GALNT13: variants seen among roughly 807,000 people sequenced by gnomAD.
GALNT13 encodes the protein polypeptide N-acetylgalactosaminyltransferase 13, also known as UDP-GalNAc:polypeptide N-acetylgalactosaminyltransferase 13.
Under a neutral mutation model 64.2 loss-of-function variants are expected in GALNT13, and 28 were observed. The observed-to-expected ratio is 0.44, with a 90% CI of 0.32 to 0.60. GALNT13 has a LOEUF of 0.60. GALNT13 is among the 20% of genes least tolerant of loss of function. GALNT13 has a pLI of 0.05. For synonymous variants in GALNT13, 214 were observed against 224.6 expected, an observed-to-expected ratio of 0.95 and a Z score of 0.42; for missense variants, 577 against 669.8, an observed-to-expected ratio of 0.86 and a Z score of 1.53.
chr2:153,106,693 A>G, the GALNT13 span, among the ~76,000 whole-genome samples: 1 of 152,300 alleles, frequency 6.6e-6, no homozygotes, highest in Admixed American at 6.5e-5. Flanking sequence ...GTCTGAGCCT[A>G]TAGGATTAGG....
chr2:153,566,348 G>GTTTTGT, the GALNT13 span, among the ~76,000 whole-genome samples: 768 of 74,808 alleles, frequency 0.01, 70 homozygotes, highest in Admixed American at 0.061. Context: ...TTCTAATCAC[G>GTTTTGT]TTTTTTTTTT....
chr2:153,136,938 C>T, the GALNT13 span, among the ~76,000 whole-genome samples: 1 of 151,772 alleles, frequency 6.6e-6, no homozygotes, highest in Non-Finnish European at 1.5e-5. Flanking sequence ...CTCCATCTGC[C>T]TGTCCTGAGG....
the GALNT13 span, among the ~76,000 whole-genome samples, chr2:153,652,475 C>T: frequency 5.3e-5 from 8 of 151,948 alleles, no homozygotes; most frequent in African/African-American, 7.3e-5. Flanking sequence ...ATTAGCCGGG[C>T]GTGGTGTCAT....
chr2:153,426,082 TAGTG>T, the GALNT13 span, among the ~76,000 whole-genome samples: 240 of 152,022 alleles, frequency 1.6e-3, 2 homozygotes, highest in African/African-American at 5.1e-3. Context: ...TTAATATTGA[TAGTG>T]AGAGTGAAAA....
At chr2:153,722,717 A>C in the GALNT13 span, among the ~76,000 whole-genome samples, 19 of 152,374 alleles carry the variant, frequency 1.2e-4, no homozygotes, top group Admixed American at 5.2e-4. Flanking sequence ...AAACGGATAC[A>C]TTCCTTGACA....
At chr2:153,966,779 T>A (rs1353528788) in intron 3 of GALNT13, among the ~76,000 whole-genome samples, 1 of 152,164 alleles carries the variant, frequency 6.6e-6, no homozygotes, top group Non-Finnish European at 1.5e-5. Flanking sequence ...ACCTGGTTAT[T>A]CGTGTTTTTT....
At chr2:153,472,882 C>G in the GALNT13 span, among the ~76,000 whole-genome samples, 1 of 152,116 alleles carries the variant, frequency 6.6e-6, no homozygotes, top group Non-Finnish European at 1.5e-5. Context: ...AAAATACATG[C>G]AGGAACATGG....
intron 4 of GALNT13, among the ~76,000 whole-genome samples, chr2:154,154,783 G>C (rs1245184374): frequency 6.6e-6 from 1 of 152,090 alleles, no homozygotes; most frequent in South Asian, 2.1e-4. Flanking sequence ...AGGAAAGACA[G>C]AAAGGAACTG....
chr2:153,154,258 G>A, the GALNT13 span, among the ~76,000 whole-genome samples: 1 of 152,120 alleles, frequency 6.6e-6, no homozygotes, highest in Non-Finnish European at 1.5e-5. Context: ...TATGATATCT[G>A]ATGGTTTTAT....
At chr2:153,295,701 C>A in the GALNT13 span, among the ~76,000 whole-genome samples, 1 of 152,226 alleles carries the variant, frequency 6.6e-6, no homozygotes, top group East Asian at 1.9e-4. Flanking sequence ...GGACCAGTAT[C>A]TCACTAGCAC....
At chr2:154,409,338 A>C in intron 11 of GALNT13, 24 of 431,150 alleles carry the variant, frequency 5.6e-5, no homozygotes, top group East Asian at 2.2e-4. Context: ...GACACATCTC[A>C]TTTTATCATG....
At chr2:153,569,213 G>T in the GALNT13 span, among the ~76,000 whole-genome samples, 1 of 152,140 alleles carries the variant, frequency 6.6e-6, no homozygotes, top group Non-Finnish European at 1.5e-5. Context: ...CTATATTCTT[G>T]TCAATACTTA....
intron 3 of GALNT13, among the ~76,000 whole-genome samples, chr2:154,039,645 A>ACC (rs1236897527): frequency 7.2e-6 from 1 of 139,362 alleles, no homozygotes; most frequent in African/African-American, 2.5e-5. Flanking sequence ...GGGAGAAGTT[A>ACC]CCTAATGGAT....
chr2:153,345,810 C>G, the GALNT13 span, among the ~76,000 whole-genome samples: 455 of 137,950 alleles, frequency 3.3e-3, 5 homozygotes, highest in African/African-American at 9.9e-3. Flanking sequence ...TCTTTCTTTC[C>G]TTTCTGACAG....
the GALNT13 span, among the ~76,000 whole-genome samples, chr2:153,155,182 A>T: frequency 6.6e-6 from 1 of 152,056 alleles, no homozygotes; most frequent in Non-Finnish European, 1.5e-5. Flanking sequence ...ATTGGCCTGA[A>T]GTTTTCTGTT....
chr2:153,093,454 G>A, the GALNT13 span, among the ~76,000 whole-genome samples: 3 of 151,846 alleles, frequency 2.0e-5, no homozygotes, highest in African/African-American at 7.3e-5. Flanking sequence ...TGCCAGGCTG[G>A]TCTCGAACTC....
intron 3 of GALNT13, among the ~76,000 whole-genome samples, chr2:154,086,791 C>T (rs114395534): frequency 0.013 from 2,013 of 152,098 alleles, 49 homozygotes; most frequent in Admixed American, 0.054. Context: ...CACACGCGCA[C>T]GCGATAGGAT....
chr2:154,022,941 A>G (rs1697637177), intron 3 of GALNT13, among the ~76,000 whole-genome samples: 1 of 152,112 alleles, frequency 6.6e-6, no homozygotes, highest in Non-Finnish European at 1.5e-5. Flanking sequence ...TTCTGCCTTC[A>G]TTTCATTATT....
chr2:154,386,982 A>T (rs1028362105), intron 9 of GALNT13, among the ~76,000 whole-genome samples: 1 of 152,166 alleles, frequency 6.6e-6, no homozygotes, highest in African/African-American at 2.4e-5. Flanking sequence ...CTCTGTGCAG[A>T]AGCTATGATT....
Sources: gnomAD v4.1 joint callset for allele counts (sites outside exome capture counted in the v4.1 genomes callset) on GRCh38, gnomAD v4.1.1 for gene constraint, MANE v1.5 for transcripts, NCBI Gene and HGNC (gene_info 2026-07-23, HGNC 2026-07-21) for gene names.